The following DLGAP1 variants were observed in gnomAD, a reference collection of about 807,000 sequenced individuals.
DLGAP1 encodes DLG associated protein 1, also known as disks large-associated protein 1.
A neutral mutation model predicts 90.8 loss-of-function variants in DLGAP1; 11 were observed. The ratio of observed to expected loss-of-function variants is 0.12; its 90% CI spans 0.08 to 0.20. DLGAP1 has a LOEUF of 0.20. Among genes scored for constraint, DLGAP1 ranks in the 10% least tolerant of loss-of-function variants. The pLI, the probability that DLGAP1 is intolerant of heterozygous loss-of-function variation, is 1.00. For synonymous variants in DLGAP1, 558 were observed against 540.7 expected (o/e 1.03, Z -0.44); for missense variants, 1,050 against 1,333.8 (o/e 0.79, Z 3.31).
At chr18:3,810,924 G>A (rs1381263720) in intron 5 of DLGAP1, among the ~76,000 whole-genome samples, 1 of 152,072 alleles carries the variant, frequency 6.6e-6, no homozygotes, top group East Asian at 1.9e-4. Context: ...TCCCACCTCA[G>A]CCTCCCGAGT....
At chr18:4,343,619 G>A (rs1310693924) in intron 1 of DLGAP1, among the ~76,000 whole-genome samples, 2 of 151,916 alleles carry the variant, frequency 1.3e-5, no homozygotes, top group Non-Finnish European at 2.9e-5. Context: ...CCCTTTTCAG[G>A]AGGGGAACAT....
At chr18:4,161,692 G>A (rs557236613) in intron 1 of DLGAP1, among the ~76,000 whole-genome samples, 13 of 152,234 alleles carry the variant, frequency 8.5e-5, no homozygotes, top group East Asian at 5.8e-4. Flanking sequence ...TCTTACTTCC[G>A]AGCCTGTGTA....
rs1555695365 is a variant in DLGAP1 at position 3,600,731 on chromosome 18, T to TATATAGATATATATAG, written c.1592-18484_1592-18483insCTATATATATCTATAT. ...AGCTATATAGATATAGAGATATAGA[T>TATATAGATATATATAG]ATATATAGATATATAGATATATATA... On this transcript the variant is annotated intron_variant, in intron 7 of 12. Transcript: ENST00000315677. Among the ~76,000 whole-genome samples the TATATAGATATATATAG allele has an allele frequency of 2.1e-4, 8 of 37,788 alleles. 4 individuals are homozygous for TATATAGATATATATAG. The East Asian group carries it at 2.3e-3, about 11-fold the overall frequency. 24.8% of individuals were successfully genotyped at this position (37,788 alleles called of 152,430 possible). A position where few individuals can be genotyped will look rare whatever the true frequency, so the allele number is the denominator to read the frequency against.
intron 7 of DLGAP1, among the ~76,000 whole-genome samples, chr18:3,664,218 C>CACACACCCA: frequency 1.3e-5 from 1 of 75,836 alleles, no homozygotes; most frequent in East Asian, 3.0e-4. Flanking sequence ...ACACACACAC[C>CACACACCCA]CACACACACA....
intron 4 of DLGAP1, among the ~76,000 whole-genome samples, chr18:3,858,545 CAT>C (rs766573998): frequency 3.3e-4 from 50 of 149,466 alleles, no homozygotes; most frequent in South Asian, 2.7e-3. Context: ...CACACACACA[CAT>C]ATATATATAT....
intron 4 of DLGAP1, chr18:3,874,084 C>T (rs768120306): frequency 2.7e-5 from 41 of 1,543,632 alleles, no homozygotes; most frequent in Non-Finnish European, 3.3e-5. Context: ...CCTTTCCCTA[C>T]CACAAAAACC....
intron 7 of DLGAP1, among the ~76,000 whole-genome samples, chr18:3,594,929 T>A (rs1287085207): frequency 6.6e-6 from 1 of 152,238 alleles, no homozygotes. Flanking sequence ...TGGCTTCCAG[T>A]TAGCCTATTT....
chr18:3,797,996 G>A (rs2066088959), intron 5 of DLGAP1, among the ~76,000 whole-genome samples: 1 of 152,168 alleles, frequency 6.6e-6, no homozygotes, highest in African/African-American at 2.4e-5. Flanking sequence ...GGCTCTCATT[G>A]CCGCTCTTGC....
chr18:3,651,989 C>CA (rs1414167811), intron 7 of DLGAP1, among the ~76,000 whole-genome samples: 1 of 146,680 alleles, frequency 6.8e-6, no homozygotes, highest in African/African-American at 2.5e-5. Context: ...ACAACAACAA[C>CA]AACAACAAAA....
At chr18:3,542,407 G>C (rs918390669) in intron 9 of DLGAP1, among the ~76,000 whole-genome samples, 3 of 152,166 alleles carry the variant, frequency 2.0e-5, no homozygotes, top group Non-Finnish European at 4.4e-5. Flanking sequence ...AGAGTAGTTT[G>C]CCATCCCTTT....
intron 1 of DLGAP1, among the ~76,000 whole-genome samples, chr18:4,162,331 C>T (rs1054027031): frequency 2.0e-5 from 3 of 151,994 alleles, no homozygotes; most frequent in African/African-American, 7.3e-5. Flanking sequence ...TATGTGGTAC[C>T]AATGGAGAGA....
At chr18:3,628,604 C>T (rs1221965539) in intron 7 of DLGAP1, among the ~76,000 whole-genome samples, 1 of 152,200 alleles carries the variant, frequency 6.6e-6, no homozygotes, top group Non-Finnish European at 1.5e-5. Flanking sequence ...TGTTACAAAC[C>T]CCTCCTATCC....
chr18:4,090,855 A>G (rs1402883109), intron 2 of DLGAP1, among the ~76,000 whole-genome samples: 1 of 152,246 alleles, frequency 6.6e-6, no homozygotes, highest in Non-Finnish European at 1.5e-5. Context: ...ATGTCCATCA[A>G]CGATAGACCG....
intron 5 of DLGAP1, 149 bp from the exon 6 acceptor site, chr18:3,742,661 TG>T: frequency 1.1e-6 from 1 of 899,246 alleles, no homozygotes; most frequent in East Asian, 2.7e-5. Context: ...TCCCCCACAG[TG>T]TCTCAGAAGG....
At chr18:4,325,257 T>C (rs995003930) in intron 1 of DLGAP1, among the ~76,000 whole-genome samples, 1 of 152,114 alleles carries the variant, frequency 6.6e-6, no homozygotes, top group Non-Finnish European at 1.5e-5. Context: ...ATCCCATTTA[T>C]AATTGTCACA....
At chr18:4,129,272 A>ATTCTCTATGT (rs11282254) in intron 2 of DLGAP1, among the ~76,000 whole-genome samples, 51,516 of 151,686 alleles carry the variant, frequency 0.34, 8,973 homozygotes, top group African/African-American at 0.43. Context: ...ACCTTTAAAG[A>ATTCTCTATGT]TTAAGAGAAA....
intron 9 of DLGAP1, among the ~76,000 whole-genome samples, chr18:3,549,037 T>A (rs141608791): frequency 1.4e-4 from 22 of 152,252 alleles, no homozygotes; most frequent in African/African-American, 5.1e-4. Context: ...AGACTCCATC[T>A]CGAAGAAAAA....
intron 5 of DLGAP1, among the ~76,000 whole-genome samples, chr18:3,768,553 T>C (rs1227044682): frequency 6.6e-6 from 1 of 152,154 alleles, no homozygotes; most frequent in Non-Finnish European, 1.5e-5. Flanking sequence ...ACATACTCTA[T>C]GGCTACAGTA....
Position 3,499,113 on chromosome 18 carries a change from G to A in DLGAP1, c.*72C>T, listed in dbSNP as rs2143542768. On this transcript the variant is annotated 3_prime_UTR_variant, in exon 13 of 13. Coordinates refer to ENST00000315677, the MANE Select transcript of DLGAP1 (RefSeq NM_004746.4). This position sits in a 1 kb window ranked among gnomAD's most constrained non-coding sequence, Gnocchi z 6.4. The stretch of plus-strand genomic sequence containing the variant: ...GAGCGGACGGGCTCGGAGGGGGAGA[G>A]GCAGCCGGCAGAGGAGCGGCCGGGG... 3 of 1,361,782 alleles carry A rather than the reference G, an allele frequency of 2.2e-6. No homozygotes were observed. The Middle Eastern group carries it at 7.9e-4, about 359-fold the overall frequency. 84.4% of individuals were successfully genotyped at this position (1,361,782 alleles called of 1,614,324 possible).
Sources: allele counts gnomAD v4.1 joint callset (sites outside exome capture counted in the v4.1 genomes callset), GRCh38; gene constraint gnomAD v4.1.1; non-coding constraint Gnocchi (gnomAD v3.1); transcripts MANE v1.5; gene names NCBI Gene and HGNC (gene_info 2026-07-23, HGNC 2026-07-21).